The following TENM2 variants were observed in gnomAD, a reference collection of about 807,000 sequenced individuals.
TENM2 encodes the protein teneurin transmembrane protein 2.
In TENM2, 52 loss-of-function variants were observed where a neutral mutation model predicts 245.2. The observed-to-expected ratio is 0.21, with a 90% confidence interval of 0.17 to 0.27. TENM2 has a LOEUF of 0.27. Ranked by LOEUF, TENM2 falls within the 10% of genes least tolerant of loss-of-function variation. The probability of loss-of-function intolerance (pLI) is 1.00; values close to 1 mark genes in which losing one functional copy is unlikely to be tolerated. For synonymous variants in TENM2, 1,363 were observed against 1,438.9 expected (o/e 0.95, Z 1.19); for missense variants, 3,046 against 3,666.8 (o/e 0.83, Z 4.37).
intron 2 of TENM2, among the ~76,000 whole-genome samples, chr5:167,449,576 A>G (rs547227422): frequency 1.6e-4 from 25 of 152,266 alleles, no homozygotes; most frequent in African/African-American, 6.0e-4. Flanking sequence ...AGATAAAGAC[A>G]GTTTTTAAAA....
chr5:167,149,333 GATTTTCCA>G, the TENM2 span, among the ~76,000 whole-genome samples: 19 of 152,144 alleles, frequency 1.2e-4, no homozygotes, highest in African/African-American at 4.6e-4. Flanking sequence ...TTATCTAGTG[GATTTTCCA>G]GCCAGCAAAA....
chr5:168,042,091 C>G (rs373866269), intron 5 of TENM2, among the ~76,000 whole-genome samples: 4 of 152,148 alleles, frequency 2.6e-5, no homozygotes, highest in South Asian at 4.1e-4. Context: ...CACGGAGACC[C>G]AGCCCTAACC....
exon 17 of TENM2, chr5:168,199,882 G>C: frequency 1.2e-6 from 2 of 1,613,718 alleles, no homozygotes; most frequent in Non-Finnish European, 1.7e-6. Context: ...TGAAGAAATC[G>C]AGCTCCCTGG....
intron 2 of TENM2, among the ~76,000 whole-genome samples, chr5:167,872,246 G>C (rs72835628): frequency 6.7e-6 from 1 of 149,398 alleles, no homozygotes; most frequent in East Asian, 2.0e-4. Context: ...GTGCTCCAGC[G>C]TGAGCAACAA....
chr5:167,452,072 T>A (rs1765619865), intron 2 of TENM2, among the ~76,000 whole-genome samples: 2 of 152,184 alleles, frequency 1.3e-5, no homozygotes, highest in Admixed American at 1.3e-4. Flanking sequence ...GCCTACATAG[T>A]TCTTTGTAGA....
intron 2 of TENM2, among the ~76,000 whole-genome samples, chr5:167,566,806 A>G (rs1773937819): frequency 6.6e-6 from 1 of 152,174 alleles, no homozygotes; most frequent in Non-Finnish European, 1.5e-5. Flanking sequence ...CATGGGAAGC[A>G]GAGATTTAAG....
intron 10 of TENM2, among the ~76,000 whole-genome samples, chr5:168,120,752 A>G (rs1795412588): frequency 6.6e-6 from 1 of 152,256 alleles, no homozygotes; most frequent in South Asian, 2.1e-4. Flanking sequence ...AGTCTGGATC[A>G]GCACTTTTTC....
the TENM2 span, among the ~76,000 whole-genome samples, chr5:167,245,040 G>A: frequency 6.6e-6 from 1 of 151,998 alleles, no homozygotes; most frequent in Admixed American, 6.6e-5. Context: ...CTAGCCCACT[G>A]CTGGTTCTAT....
At chr5:167,889,459 T>C (rs1447594581) in intron 3 of TENM2, among the ~76,000 whole-genome samples, 2 of 152,174 alleles carry the variant, frequency 1.3e-5, no homozygotes, top group Non-Finnish European at 2.9e-5. Flanking sequence ...CCGTCTGTGG[T>C]AATGGAGCAC....
chr5:167,166,736 A>C, the TENM2 span, among the ~76,000 whole-genome samples: 4 of 152,080 alleles, frequency 2.6e-5, no homozygotes, highest in Non-Finnish European at 4.4e-5. Context: ...TATTTTTGTT[A>C]ACTTTGTTTT....
intron 2 of TENM2, among the ~76,000 whole-genome samples, chr5:167,702,571 T>TAC (rs1554102875): frequency 4.1e-5 from 6 of 147,250 alleles, no homozygotes; most frequent in African/African-American, 7.4e-5. Context: ...TATATATATA[T>TAC]ACATATATAT....
chr5:167,877,686 C>T (rs192831111), intron 3 of TENM2, among the ~76,000 whole-genome samples: 11 of 152,220 alleles, frequency 7.2e-5, no homozygotes, highest in Non-Finnish European at 1.3e-4. Context: ...AAAATGAAAT[C>T]GGAAAATGCT....
rs532238304 is a variant in TENM2, at chr5:167,914,953, C to T, written c.713-37635C>T. ...TCTTCACTAGTTACATCTGCAATAA[C>T]CTTATTTCCAAAAAAGGTCACGTTG... On this transcript the variant is annotated intron_variant, in intron 3 of 28. Transcript: ENST00000518659. Among the ~76,000 whole-genome samples, 19 of 152,236 alleles carry T rather than the reference C, an allele frequency of 1.2e-4. 1 individual carries two copies. Among genetic ancestry groups the T allele is most frequent in the African/African-American group, 4.3e-4 (18 of 41,544 alleles).
At chr5:167,930,524 G>A (rs567899901) in intron 3 of TENM2, among the ~76,000 whole-genome samples, 50 of 151,926 alleles carry the variant, frequency 3.3e-4, no homozygotes, top group Admixed American at 1.0e-3. Context: ...GCACAGGCTG[G>A]AGTGCAATGG....
intron 2 of TENM2, among the ~76,000 whole-genome samples, chr5:167,603,555 C>T (rs1390811423): frequency 2.0e-5 from 3 of 152,094 alleles, no homozygotes; most frequent in South Asian, 2.1e-4. Flanking sequence ...GTGGCATACA[C>T]CTGTGGGCTC....
rs780880548 is a variant in TENM2, at chr5:168,218,879, C to A, written c.4988C>A (p.Thr1663Asn). 3.0e-5 allele frequency: 48 copies of A among 1,613,848 alleles called. No homozygotes were observed. The highest frequency in any genetic ancestry group is 3.8e-5 in the Non-Finnish European group (45 of 1,179,900). Residue 1663 changes from threonine (T) to asparagine (N), a missense_variant, in exon 23 of 29, where the codon ACC becomes AAC. This residue lies in a region of TENM2 where 2,704 missense variants were observed against 3,331.9 expected (regional missense o/e 0.81). Transcript: ENST00000518659. The surrounding 1 kb of genome is among the most constrained non-coding windows in gnomAD (Gnocchi z 5.2). ...CAGATCATCACCCTCACCGTGGGCA[C>A]CAATGGAGGCCTCAAAGTCGTGTCC...
intron 2 of TENM2, among the ~76,000 whole-genome samples, chr5:167,693,297 G>C (rs1757552314): frequency 6.6e-6 from 1 of 152,142 alleles, no homozygotes; most frequent in Non-Finnish European, 1.5e-5. Flanking sequence ...AAAGTGTTTG[G>C]TTGGTCATGG....
chr5:166,980,803 C>T, the TENM2 span, among the ~76,000 whole-genome samples: 3 of 152,188 alleles, frequency 2.0e-5, no homozygotes, highest in East Asian at 1.9e-4. Context: ...AAACCCTGAA[C>T]TCTAAACTGA....
the TENM2 span, among the ~76,000 whole-genome samples, chr5:167,136,795 G>C: frequency 6.6e-6 from 1 of 152,250 alleles, no homozygotes; most frequent in East Asian, 1.9e-4. Flanking sequence ...TGTATCATAT[G>C]ATAATGGACA....
Sources: gnomAD v4.1 joint callset for allele counts (sites outside exome capture counted in the v4.1 genomes callset) on GRCh38, gnomAD v4.1.1 for gene constraint, gnomAD v4.1.1 regional missense constraint, Gnocchi (gnomAD v3.1) non-coding constraint, MANE v1.5 for transcripts, NCBI Gene and HGNC (gene_info 2026-07-23, HGNC 2026-07-21) for gene names.